Variants in COL4A1 observed in about 807,000 individuals in gnomAD.
COL4A1 encodes the protein collagen type IV alpha 1 chain.
Under a neutral mutation model 216.6 loss-of-function variants are expected in COL4A1, and 40 were observed. The observed-to-expected ratio is 0.18, with a 90% CI of 0.14 to 0.24. The LOEUF (loss-of-function observed/expected upper bound fraction) is 0.24, where lower values mean the gene tolerates loss of function less well. Among genes scored for constraint, COL4A1 ranks in the 10% least tolerant of loss-of-function variants. The pLI is 1.00. For missense variants in COL4A1, 1,628 were observed against 2,196.8 expected (o/e 0.74, Z 5.18); for synonymous variants, 839 against 810.7 (o/e 1.03, Z -0.59).
intron 1 of COL4A1, among the ~76,000 whole-genome samples, chr13:110,287,174 G>C (rs1038684555): frequency 6.6e-6 from 1 of 152,188 alleles, no homozygotes; most frequent in Non-Finnish European, 1.5e-5. Context: ...ATGCAGAGAC[G>C]CACTTTTCCC....
At chr13:110,251,738 G>A (rs748074017) in intron 1 of COL4A1, among the ~76,000 whole-genome samples, 41 of 152,326 alleles carry the variant, frequency 2.7e-4, no homozygotes, top group Non-Finnish European at 4.6e-4. Context: ...GACAGGCACA[G>A]GTGCAAGCCG....
At chr13:110,206,309 G>A (rs551025305) in intron 15 of COL4A1, among the ~76,000 whole-genome samples, 1 of 152,354 alleles carries the variant, frequency 6.6e-6, no homozygotes, top group African/African-American at 2.4e-5. Flanking sequence ...AGCCTCTCAG[G>A]CTTGTGGCTG....
intron 42 of COL4A1, 82 bp downstream of exon 42, chr13:110,170,465 A>C: frequency 6.9e-7 from 1 of 1,442,326 alleles, no homozygotes; most frequent in East Asian, 2.5e-5. Flanking sequence ...CCAATTGAGA[A>C]TTTAACTATT....
intron 12 of COL4A1, 82 bp downstream of exon 12, chr13:110,208,767 A>G: frequency 7.7e-7 from 1 of 1,292,540 alleles, no homozygotes; most frequent in Non-Finnish European, 1.1e-6. Flanking sequence ...GTAAGAGTCC[A>G]GACATTGATC....
intron 2 of COL4A1, among the ~76,000 whole-genome samples, chr13:110,223,585 C>A (rs521699): frequency 0.97 from 147,427 of 152,372 alleles, 71,518 homozygotes; most frequent in Middle Eastern, 1. Flanking sequence ...AACAAGTGTT[C>A]TGCTACAGGC....
chr13:110,180,221 C>T (rs577955719), intron 29 of COL4A1, among the ~76,000 whole-genome samples: 1 of 152,362 alleles, frequency 6.6e-6, no homozygotes, highest in South Asian at 2.1e-4. Flanking sequence ...CATTCCCATT[C>T]CATTAGGCAT....
In COL4A1 at chr13:110,183,165, G is replaced by C; in HGVS notation, c.1990+19C>G. The C allele has an allele frequency of 6.2e-7, 1 of 1,613,426 alleles. No individual in the cohort carries two copies. The highest frequency in any genetic ancestry group is 1.7e-4 in the Middle Eastern group (1 of 6,058). ...GGAAACTCTCGTGGTATCCCGGTGA[G>C]CTGGAATTCCAATCGTACCTTGGGG... On this transcript the variant is annotated intron_variant, in intron 27 of 51. Transcript: ENST00000375820.
At chr13:110,220,942 C>A (rs949763989) in intron 2 of COL4A1, among the ~76,000 whole-genome samples, 2 of 152,198 alleles carry the variant, frequency 1.3e-5, no homozygotes, top group Admixed American at 1.3e-4. Flanking sequence ...CCCAAGCCCT[C>A]ACGATAAGGT....
chr13:110,175,482 G>C (rs1370971790), intron 36 of COL4A1, 125 bp from the exon 37 acceptor site: 1 of 1,501,256 alleles, frequency 6.7e-7, no homozygotes, highest in Non-Finnish European at 9.0e-7. Context: ...AACCAGCCAA[G>C]ATTGAGATAC....
intron 33 of COL4A1, 146 bp from the exon 34 acceptor site, chr13:110,177,183 T>C (rs756139288): frequency 5.1e-6 from 7 of 1,373,690 alleles, no homozygotes; most frequent in Non-Finnish European, 6.9e-6. Flanking sequence ...TAATGGCCAG[T>C]GTCTGAGACA....
chr13:110,179,777 C>A (rs117576467), intron 29 of COL4A1, among the ~76,000 whole-genome samples: 1 of 152,154 alleles, frequency 6.6e-6, no homozygotes, highest in Non-Finnish European at 1.5e-5. Context: ...CGGTAAAATG[C>A]CAAATATGAT....
At chr13:110,238,168 C>A (rs1380283760) in intron 2 of COL4A1, among the ~76,000 whole-genome samples, 1 of 152,184 alleles carries the variant, frequency 6.6e-6, no homozygotes, top group Non-Finnish European at 1.5e-5. Context: ...TGCTGCTTCT[C>A]TATATCTTTG....
chr13:110,245,052 C>T (rs1484228222), intron 1 of COL4A1, among the ~76,000 whole-genome samples: 1 of 152,102 alleles, frequency 6.6e-6, no homozygotes, highest in Non-Finnish European at 1.5e-5. Context: ...AGTGGCACCG[C>T]GCACCTCAAC....
At chr13:110,231,955 G>C (rs1454559158) in intron 2 of COL4A1, among the ~76,000 whole-genome samples, 1 of 152,172 alleles carries the variant, frequency 6.6e-6, no homozygotes, top group African/African-American at 2.4e-5. Context: ...AGCAAGACGT[G>C]TGTAAGAAAT....
chr13:110,221,102 G>T (rs2139218531), intron 2 of COL4A1, among the ~76,000 whole-genome samples: 1 of 152,308 alleles, frequency 6.6e-6, no homozygotes, highest in East Asian at 1.9e-4. Flanking sequence ...AGCCCATGAT[G>T]AATTCTGGCA....
chr13:110,181,428 T>A, intron 28 of COL4A1, 39 bp from the exon 29 acceptor site: 1 of 1,527,870 alleles, frequency 6.5e-7, no homozygotes, highest in South Asian at 1.2e-5. Context: ...AAACAAACAA[T>A]CATTGCGATT....
intron 4 of COL4A1, 146 bp from the exon 5 acceptor site, chr13:110,212,764 A>C: frequency 1.1e-6 from 1 of 905,644 alleles, no homozygotes; most frequent in South Asian, 1.5e-5. Context: ...CACAAGAGGC[A>C]GCAGAGGGCA....
chr13:110,282,263 A>G (rs1883661962), intron 1 of COL4A1, among the ~76,000 whole-genome samples: 1 of 152,202 alleles, frequency 6.6e-6, no homozygotes, highest in Admixed American at 6.5e-5. Flanking sequence ...TTTTCTCATC[A>G]ATAAAATGGG....
intron 1 of COL4A1, among the ~76,000 whole-genome samples, chr13:110,297,819 C>T (rs896166380): frequency 6.6e-6 from 1 of 152,028 alleles, no homozygotes; most frequent in Non-Finnish European, 1.5e-5. Flanking sequence ...CACACACTTA[C>T]TGAACAAATT....
Sources: allele counts gnomAD v4.1 joint callset (sites outside exome capture counted in the v4.1 genomes callset), GRCh38; gene constraint gnomAD v4.1.1; transcripts MANE v1.5; gene names NCBI Gene and HGNC (gene_info 2026-07-23, HGNC 2026-07-21).